The following ANK1 variants were observed in gnomAD, a reference collection of about 807,000 sequenced individuals.
The protein encoded by ANK1 is ankyrin-1.
In ANK1, 51 loss-of-function variants were observed where a neutral mutation model predicts 210.4. The ratio of observed to expected loss-of-function variants is 0.24; its 90% confidence interval spans 0.19 to 0.31. The LOEUF (loss-of-function observed/expected upper bound fraction) is 0.31, where lower values mean the gene tolerates loss of function less well. ANK1 is among the 10% of genes least tolerant of loss of function. The pLI is 1.00. For missense variants in ANK1, 2,051 were observed against 2,504.4 expected (o/e 0.82, Z 3.86); for synonymous variants, 967 against 1,025.9 (o/e 0.94, Z 1.10).
chr8:41,771,409 C>A (rs548772587), intron 1 of ANK1, among the ~76,000 whole-genome samples: 1 of 152,214 alleles, frequency 6.6e-6, no homozygotes, highest in East Asian at 1.9e-4. Flanking sequence ...CACAACCACA[C>A]CCTTAGACCA....
intron 2 of ANK1, among the ~76,000 whole-genome samples, chr8:41,745,881 A>AT (rs1225562198): frequency 6.6e-6 from 1 of 151,912 alleles, no homozygotes; most frequent in Non-Finnish European, 1.5e-5. Context: ...TTAATGTTTA[A>AT]TTTTTAAATT....
intron 3 of ANK1, among the ~76,000 whole-genome samples, chr8:41,733,563 A>AT (rs1563605946): frequency 2.0e-5 from 3 of 152,284 alleles, no homozygotes; most frequent in African/African-American, 7.2e-5. Flanking sequence ...TATTATCTCC[A>AT]TTTTACAGAC....
At chr8:41,724,933 C>T (rs1023752819) in intron 6 of ANK1, among the ~76,000 whole-genome samples, 1 of 152,200 alleles carries the variant, frequency 6.6e-6, no homozygotes. Context: ...GATCACAGCT[C>T]ACTTCAGCCT....
At chr8:41,761,551 A>C (rs546768068) in intron 1 of ANK1, among the ~76,000 whole-genome samples, 1 of 152,276 alleles carries the variant, frequency 6.6e-6, no homozygotes, top group South Asian at 2.1e-4. Flanking sequence ...GTCCCTGTGG[A>C]GGCCTTAATT....
upstream of ANK1, among the ~76,000 whole-genome samples, chr8:41,800,510 T>A (rs1021255609): frequency 6.6e-6 from 1 of 152,130 alleles, no homozygotes. Context: ...TCTATACCCA[T>A]CTGGAAGGCA....
chr8:41,860,903 C>T (rs887024763), intron 1 of ANK1, among the ~76,000 whole-genome samples: 1 of 152,226 alleles, frequency 6.6e-6, no homozygotes, highest in Admixed American at 6.5e-5. Context: ...CTGCAAAGAG[C>T]TGGCCAAATG....
At chr8:41,879,174 A>C (rs1426465506) in intron 1 of ANK1, among the ~76,000 whole-genome samples, 1 of 152,202 alleles carries the variant, frequency 6.6e-6, no homozygotes, top group African/African-American at 2.4e-5. Flanking sequence ...TTCCTGTCCC[A>C]GCTCTGCCTC....
upstream of ANK1, among the ~76,000 whole-genome samples, chr8:41,801,531 G>T (rs1431420186): frequency 6.6e-6 from 1 of 152,146 alleles, no homozygotes; most frequent in Non-Finnish European, 1.5e-5. Context: ...ATTTGGTATT[G>T]TCAGACTTTA....
rs114870847 is a variant in ANK1, at chr8:41,698,091, G to A, written c.2589C>T (p.Pro863=). The A allele has an allele frequency of 1.8e-4, 288 of 1,614,092 alleles. No individual in the cohort carries two copies. In the African/African-American group the frequency reaches 3.7e-3, roughly 21 times the overall value. Residue 863 remains proline (P), a synonymous_variant, in exon 24 of 43, where the codon CCC becomes CCT. Coordinates refer to ENST00000289734, the MANE Select transcript of ANK1 (RefSeq NM_000037.4). ...TCACCACTGTCTCAGGCATGGCACA[G>A]GGAATCCTGGGGATGGCTGGAGATT... ...VVESPAIPRI[P]CAMPETVVIR...
upstream of ANK1, among the ~76,000 whole-genome samples, chr8:41,798,409 G>A (rs1849232188): frequency 6.6e-6 from 1 of 152,120 alleles, no homozygotes; most frequent in Non-Finnish European, 1.5e-5. Context: ...GGCTAGGAGG[G>A]CGTGGGATGG....
chr8:41,747,758 C>A (rs1836551382), intron 2 of ANK1, among the ~76,000 whole-genome samples: 1 of 152,182 alleles, frequency 6.6e-6, no homozygotes, highest in Non-Finnish European at 1.5e-5. Flanking sequence ...CCTTGCACTA[C>A]ATTCCGGATC....
rs1820057432 is a variant in ANK1 at position 41,693,895 on chromosome 8, C to T, written c.3532+3G>A. The T allele has an allele frequency of 6.2e-7, 1 of 1,603,164 alleles. No homozygotes were observed. The highest frequency in any genetic ancestry group is 8.5e-7 in the Non-Finnish European group (1 of 1,175,442). On this transcript the variant is annotated splice_donor_region_variant and intron_variant, in intron 29 of 42. Transcript: ENST00000289734. ...ACAGAAGCGAGGCAGGGGCCCCTCT[C>T]ACCAATGACGCTGCAAAGCAGGCGC...
chr8:41,794,200 C>T (rs1308816670), intron 1 of ANK1, among the ~76,000 whole-genome samples: 1 of 152,192 alleles, frequency 6.6e-6, no homozygotes, highest in Non-Finnish European at 1.5e-5. Flanking sequence ...AGTAAAATCC[C>T]CACATCAATG....
rs1423883696 is a variant in ANK1 at position 41,719,820 on chromosome 8, G to A, written c.948C>T (p.Asp316=). 1.2e-6 allele frequency: 2 copies of A among 1,614,260 alleles called. No individual in the cohort carries two copies. Among genetic ancestry groups the A allele is most frequent in the Non-Finnish European group, 1.7e-6 (2 of 1,180,048 alleles). The change falls in exon 10 of 43, where the codon GAC becomes GAT. Residue 316 remains aspartate (D), a synonymous_variant. Coordinates refer to ENST00000289734, the MANE Select transcript of ANK1 (RefSeq NM_000037.4). ...LSPIHMAAQG[D]HLDCVRLLLQ... ...ACAGGAGCCGGACACAGTCGAGGTG[G>A]TCTCCCTGAGCCGCCATGTGAATTG...
At chr8:41,871,020 T>C (rs2150824968) in intron 1 of ANK1, among the ~76,000 whole-genome samples, 1 of 152,328 alleles carries the variant, frequency 6.6e-6, no homozygotes, top group African/African-American at 2.4e-5. Flanking sequence ...TCCTCAGGGC[T>C]GGCCCTCTCT....
chr8:41,695,350 G>A lies in ANK1; in HGVS notation c.2961-19C>T. ...TACAGGGCTGAGGCAAGGACACAGT[G>A]GTGGTGGGGAGGTGCTCATACAAGG... On this transcript the variant is annotated intron_variant, in intron 26 of 42. Coordinates refer to ENST00000289734, the MANE Select transcript of ANK1 (RefSeq NM_000037.4). 1 of 1,613,720 alleles carries A rather than the reference G, an allele frequency of 6.2e-7. No individual in the cohort carries two copies. Among genetic ancestry groups the A allele is most frequent in the Non-Finnish European group, 8.5e-7 (1 of 1,180,016 alleles).
intron 3 of ANK1, among the ~76,000 whole-genome samples, chr8:41,732,500 C>T (rs1200851334): frequency 6.6e-6 from 1 of 152,096 alleles, no homozygotes; most frequent in East Asian, 1.9e-4. Flanking sequence ...GCAACCTCCG[C>T]CTCCTGGGTT....
chr8:41,729,998 C>T (rs1831711941), intron 3 of ANK1, among the ~76,000 whole-genome samples: 1 of 152,266 alleles, frequency 6.6e-6, no homozygotes, highest in Non-Finnish European at 1.5e-5. Flanking sequence ...AGATCTCAAA[C>T]AACCTCATTT....
chr8:41,772,759 C>T (rs1843191504), intron 1 of ANK1, among the ~76,000 whole-genome samples: 1 of 152,232 alleles, frequency 6.6e-6, no homozygotes, highest in Admixed American at 6.5e-5. Context: ...GGCCAGCTGA[C>T]CCGTTGGGCT....
Sources: allele counts gnomAD v4.1 joint callset (sites outside exome capture counted in the v4.1 genomes callset), GRCh38; gene constraint gnomAD v4.1.1; transcripts MANE v1.5; gene names NCBI Gene and HGNC (gene_info 2026-07-23, HGNC 2026-07-21).